The following LRFN5 variants were observed in gnomAD, a reference collection of about 807,000 sequenced individuals.
LRFN5 encodes the protein leucine rich repeat and fibronectin type III domain containing 5.
LRFN5 carries 24 observed loss-of-function variants against 45.6 expected under a neutral mutation model. The observed-to-expected ratio is 0.53, with a 90% CI of 0.38 to 0.74. LRFN5 has a LOEUF of 0.74. Ranked by LOEUF, LRFN5 falls within the 30% of genes least tolerant of loss-of-function variation. LRFN5 has a pLI of 0.00. For synonymous variants in LRFN5, 340 were observed against 313.8 expected (o/e 1.08, Z -0.88); for missense variants, 776 against 861.5 (o/e 0.90, Z 1.24).
chr14:41,871,537 TGAG>T (rs953731917), intron 2 of LRFN5, among the ~76,000 whole-genome samples: 4 of 151,772 alleles, frequency 2.6e-5, no homozygotes, highest in African/African-American at 7.3e-5. Context: ...TGTAGTGAGC[TGAG>T]ATTTCACCAT....
intron 1 of LRFN5, among the ~76,000 whole-genome samples, chr14:41,766,459 A>G (rs760833747): frequency 3.3e-5 from 5 of 152,194 alleles, no homozygotes; most frequent in Non-Finnish European, 5.9e-5. Flanking sequence ...AGGTTCATTC[A>G]CTGCCATATG....
intron 1 of LRFN5, among the ~76,000 whole-genome samples, chr14:41,724,372 A>G (rs1035216720): frequency 1.3e-5 from 2 of 152,216 alleles, no homozygotes; most frequent in Non-Finnish European, 2.9e-5. Context: ...TTACATTTAG[A>G]GCATAAGGTT....
intron 2 of LRFN5, among the ~76,000 whole-genome samples, chr14:41,845,442 A>G (rs1415426250): frequency 6.6e-6 from 1 of 152,156 alleles, no homozygotes; most frequent in East Asian, 1.9e-4. Flanking sequence ...ATGCATGTAT[A>G]TTTACATATT....
chr14:41,895,750 T>C (rs2139170608), intron 4 of LRFN5, among the ~76,000 whole-genome samples: 1 of 152,158 alleles, frequency 6.6e-6, no homozygotes, highest in South Asian at 2.1e-4. Context: ...TGGGGGTCTC[T>C]GTAAGCTGTT....
chr14:41,664,714 CA>C (rs571623537), intron 1 of LRFN5, among the ~76,000 whole-genome samples: 6 of 151,348 alleles, frequency 4.0e-5, no homozygotes, highest in East Asian at 3.9e-4. Context: ...ATGACATAAA[CA>C]AAAAAAAGTG....
chr14:41,865,808 C>G (rs1386105084), intron 2 of LRFN5, among the ~76,000 whole-genome samples: 2 of 152,046 alleles, frequency 1.3e-5, no homozygotes, highest in Non-Finnish European at 2.9e-5. Context: ...TTTACATTCC[C>G]TTGATATTTG....
rs1349258468 is a variant in LRFN5, at chr14:41,718,634, A to G, written c.-196-48220A>G. 2.6e-5 allele frequency among the ~76,000 whole-genome samples: 4 copies of G among 152,192 alleles called. No individual in the cohort carries two copies. The East Asian group carries it at 5.8e-4, about 22-fold the overall frequency. ...CTCCGTGTTAGATGAGGTAGACAGCATAGTCAGTTCCCTCAAATACATCTC... is the reference window on the plus strand; with the variant it reads ...CTCCGTGTTAGATGAGGTAGACAGCGTAGTCAGTTCCCTCAAATACATCTC... On this transcript the variant is annotated intron_variant, in intron 1 of 5. Coordinates refer to ENST00000298119, the MANE Select transcript of LRFN5 (RefSeq NM_152447.5).
chr14:41,837,763 T>G (rs1488623570), intron 2 of LRFN5, among the ~76,000 whole-genome samples: 1 of 152,214 alleles, frequency 6.6e-6, no homozygotes. Flanking sequence ...AAAGAGCTGC[T>G]GCTTTAAAAT....
chr14:41,745,724 G>A (rs919214495), intron 1 of LRFN5, among the ~76,000 whole-genome samples: 16 of 151,892 alleles, frequency 1.1e-4, no homozygotes, highest in Middle Eastern at 3.2e-3. Context: ...AAAGGATTAC[G>A]AAATTATCCT....
chr14:41,886,084 A>G (rs1890562950), intron 2 of LRFN5, among the ~76,000 whole-genome samples: 1 of 152,116 alleles, frequency 6.6e-6, no homozygotes, highest in African/African-American at 2.4e-5. Context: ...AAAGAAGAAA[A>G]AAATTAATCA....
At position 41,894,541 on chromosome 14, in the gene LRFN5, A is replaced by C. The variant is rs755361876; in HGVS notation, c.2098+2579A>C. ...CTTCAAAAAGTCTATATTTTAAGAG[A>C]TTAACAAAAGACTGGCTTATCAAGA... On this transcript the variant is annotated intron_variant, in intron 4 of 5. Transcript: ENST00000298119. The C allele has an allele frequency of 2.1e-4, 206 of 958,148 alleles. 1 individual carries two copies. The highest frequency in any genetic ancestry group is 7.8e-4 in the African/African-American group (44 of 56,722). 59.4% of individuals were successfully genotyped at this position (958,148 alleles called of 1,614,324 possible).
chr14:41,885,655 C>A (rs565069014), intron 2 of LRFN5, among the ~76,000 whole-genome samples: 1 of 152,036 alleles, frequency 6.6e-6, no homozygotes, highest in Non-Finnish European at 1.5e-5. Context: ...TTAGGGAACT[C>A]GGAGCTATTG....
intron 1 of LRFN5, among the ~76,000 whole-genome samples, chr14:41,622,657 A>G (rs1017042475): frequency 1.3e-5 from 2 of 152,140 alleles, no homozygotes; most frequent in Non-Finnish European, 2.9e-5. Context: ...GAAATAAAAT[A>G]TAGTAAAATT....
intron 2 of LRFN5, among the ~76,000 whole-genome samples, chr14:41,816,662 CTAGAGG>C (rs1358449975): frequency 1.3e-5 from 2 of 152,010 alleles, no homozygotes; most frequent in Non-Finnish European, 2.9e-5. Context: ...CTTTCCTCTT[CTAGAGG>C]TAAGATGTTT....
chr14:41,736,068 G>A (rs1884418272), intron 1 of LRFN5, among the ~76,000 whole-genome samples: 1 of 152,120 alleles, frequency 6.6e-6, no homozygotes, highest in South Asian at 2.1e-4. Flanking sequence ...ATAAACATAT[G>A]TGTGCATGTG....
intron 1 of LRFN5, among the ~76,000 whole-genome samples, chr14:41,622,934 A>T (rs1038759723): frequency 6.6e-6 from 1 of 152,122 alleles, no homozygotes; most frequent in Non-Finnish European, 1.5e-5. Flanking sequence ...TTTAATTTTA[A>T]GCTTATATGA....
chr14:41,755,764 C>G (rs1227244046), intron 1 of LRFN5, among the ~76,000 whole-genome samples: 1 of 152,108 alleles, frequency 6.6e-6, no homozygotes, highest in Admixed American at 6.5e-5. Context: ...ATCCCATTTA[C>G]CTTTAAGGTT....
chr14:41,695,328 G>A (rs1196188231), intron 1 of LRFN5, among the ~76,000 whole-genome samples: 1 of 151,932 alleles, frequency 6.6e-6, no homozygotes, highest in East Asian at 1.9e-4. Flanking sequence ...AAGTCTTGTT[G>A]TAAAAGCTGC....
At chr14:41,746,454 T>G (rs1457797609) in intron 1 of LRFN5, among the ~76,000 whole-genome samples, 3 of 152,048 alleles carry the variant, frequency 2.0e-5, no homozygotes, top group African/African-American at 4.8e-5. Flanking sequence ...GAATCCACTT[T>G]GCCGCTTTTA....
Sources: gnomAD v4.1 joint callset for allele counts (sites outside exome capture counted in the v4.1 genomes callset) on GRCh38, gnomAD v4.1.1 for gene constraint, MANE v1.5 for transcripts, NCBI Gene and HGNC (gene_info 2026-07-23, HGNC 2026-07-21) for gene names.